Variants in RNF150 observed in about 807,000 individuals in gnomAD.
RNF150 encodes ring finger protein 150.
In RNF150, 24 loss-of-function variants were observed where a neutral mutation model predicts 39.3. The observed-to-expected ratio is 0.61, with a 90% CI of 0.44 to 0.86. The LOEUF (loss-of-function observed/expected upper bound fraction) is 0.86, where lower values mean the gene tolerates loss of function less well. Ranked by LOEUF, RNF150 falls within the 40% of genes least tolerant of loss-of-function variation. RNF150 has a pLI of 0.00. For missense variants in RNF150, 502 were observed against 587.8 expected, an observed-to-expected ratio of 0.85 and a Z score of 1.51; for synonymous variants, 255 against 227.3, an observed-to-expected ratio of 1.12 and a Z score of -1.10.
chr4:140,998,873 C>T (rs1034771483), intron 1 of RNF150, among the ~76,000 whole-genome samples: 1 of 152,060 alleles, frequency 6.6e-6, no homozygotes, highest in African/African-American at 2.4e-5. Flanking sequence ...TATGTCACTA[C>T]CAAGAGTCAA....
intron 4 of RNF150, among the ~76,000 whole-genome samples, chr4:140,926,923 G>A (rs10009916): frequency 0.55 from 84,141 of 152,002 alleles, 23,777 homozygotes; most frequent in East Asian, 0.89. Flanking sequence ...TTAAGTCTGA[G>A]GACTTCCTCA....
At chr4:141,045,535 A>T (rs1736542374) in intron 1 of RNF150, among the ~76,000 whole-genome samples, 1 of 151,496 alleles carries the variant, frequency 6.6e-6, no homozygotes, top group African/African-American at 2.4e-5. Flanking sequence ...TTTTATTTTT[A>T]TTTTTTATTT....
intron 1 of RNF150, among the ~76,000 whole-genome samples, chr4:141,005,303 T>C (rs1734822800): frequency 6.6e-6 from 1 of 152,122 alleles, no homozygotes; most frequent in East Asian, 1.9e-4. Flanking sequence ...GAGATGTAAA[T>C]TTGAAGCTAT....
chr4:140,949,354 C>T lies in RNF150; in HGVS notation c.754G>A (p.Ala252Thr), dbSNP rs758921403. The T allele has an allele frequency of 1.2e-6, 2 of 1,613,124 alleles. No individual in the cohort carries two copies. Among genetic ancestry groups the T allele is most frequent in the East Asian group, 2.2e-5 (1 of 44,874 alleles). The stretch of plus-strand genomic sequence containing the variant: ...TGGAGTTTGCTGATGGCTTTCTTTG[C>T]TGCATCCCCCAGTCGGCGCTGAAAA... ...DRNQRRLGDAAKKAISKLQIR... is the reference protein window; with the variant it reads ...DRNQRRLGDATKKAISKLQIR... The change falls in exon 3 of 7, where the codon GCA becomes ACA. Residue 252 changes from alanine to threonine, a missense_variant. By Grantham distance (58) the Ala-to-Thr change is moderately conservative. Coordinates refer to ENST00000515673, the MANE Select transcript of RNF150 (RefSeq NM_020724.2).
chr4:140,906,862 C>A (rs184236846), intron 6 of RNF150, among the ~76,000 whole-genome samples: 2 of 152,218 alleles, frequency 1.3e-5, no homozygotes, highest in Non-Finnish European at 2.9e-5. Context: ...TAACGATCTG[C>A]AGGCAGTGCT....
chr4:140,922,957 A>G (rs1731221460), intron 5 of RNF150, among the ~76,000 whole-genome samples: 1 of 150,980 alleles, frequency 6.6e-6, no homozygotes, highest in African/African-American at 2.5e-5. Context: ...TACACCTTAT[A>G]CAAAAATTAA....
At chr4:141,051,411 C>T (rs1283289262) in intron 1 of RNF150, among the ~76,000 whole-genome samples, 1 of 152,154 alleles carries the variant, frequency 6.6e-6, no homozygotes, top group Non-Finnish European at 1.5e-5. Context: ...TCACATTGTA[C>T]AGCTGCAAAA....
At chr4:141,152,106 T>A (rs534453682) in intron 1 of RNF150, among the ~76,000 whole-genome samples, 1 of 152,306 alleles carries the variant, frequency 6.6e-6, no homozygotes, top group East Asian at 1.9e-4. Context: ...TCTCAAGCAA[T>A]CTGGGAAATT....
At chr4:140,875,537 G>A (rs1729122687) in intron 6 of RNF150, among the ~76,000 whole-genome samples, 1 of 151,998 alleles carries the variant, frequency 6.6e-6, no homozygotes, top group Non-Finnish European at 1.5e-5. Flanking sequence ...GGGTGGGGCT[G>A]GGGGATTAGG....
At chr4:141,144,031 G>A (rs193097351) in intron 1 of RNF150, among the ~76,000 whole-genome samples, 1 of 152,106 alleles carries the variant, frequency 6.6e-6, no homozygotes, top group African/African-American at 2.4e-5. Flanking sequence ...CCACTGAAAT[G>A]GTATTTATTG....
intron 1 of RNF150, among the ~76,000 whole-genome samples, chr4:141,188,237 C>T (rs1578787959): frequency 6.6e-6 from 1 of 152,286 alleles, no homozygotes; most frequent in East Asian, 1.9e-4. Flanking sequence ...GATGGGCTTC[C>T]CTTTGTGGGT....
At chr4:141,039,329 AAG>A (rs1736268815) in intron 1 of RNF150, among the ~76,000 whole-genome samples, 2 of 151,928 alleles carry the variant, frequency 1.3e-5, no homozygotes, top group Middle Eastern at 6.8e-3. Context: ...GAAGGAAACT[AAG>A]AGGAGAAGGT....
chr4:141,033,037 A>G (rs1736010482), intron 1 of RNF150, among the ~76,000 whole-genome samples: 1 of 152,154 alleles, frequency 6.6e-6, no homozygotes, highest in Non-Finnish European at 1.5e-5. Context: ...TCAAAATAAG[A>G]CAACAATGAA....
chr4:140,921,429 ATC>A (rs1224897720), intron 5 of RNF150, among the ~76,000 whole-genome samples: 1 of 152,164 alleles, frequency 6.6e-6, no homozygotes, highest in African/African-American at 2.4e-5. Flanking sequence ...AAGAAGTTGA[ATC>A]TCTGAATAGA....
At chr4:140,888,590 G>A (rs575443957) in intron 6 of RNF150, among the ~76,000 whole-genome samples, 1 of 152,188 alleles carries the variant, frequency 6.6e-6, no homozygotes, top group Non-Finnish European at 1.5e-5. Context: ...TACAAATGAG[G>A]TAAGCTGCTC....
At chr4:141,173,933 T>C (rs1257179478) in intron 1 of RNF150, among the ~76,000 whole-genome samples, 4 of 152,236 alleles carry the variant, frequency 2.6e-5, no homozygotes, top group Non-Finnish European at 5.9e-5. Context: ...TGTATTTTCC[T>C]AGACATTTTC....
intron 6 of RNF150, among the ~76,000 whole-genome samples, chr4:140,878,291 C>T (rs982556210): frequency 2.0e-5 from 3 of 148,540 alleles, no homozygotes; most frequent in Non-Finnish European, 4.4e-5. Context: ...GTGCCTCAGC[C>T]TCCTGAGTAG....
chr4:141,195,538 G>A (rs1728188321), intron 1 of RNF150, among the ~76,000 whole-genome samples: 1 of 152,108 alleles, frequency 6.6e-6, no homozygotes, highest in Non-Finnish European at 1.5e-5. Context: ...GTGGAGGTGG[G>A]TAGAAGGTTG....
chr4:141,177,073 A>AC lies in RNF150; in HGVS notation c.-6+35720_-6+35721insG, dbSNP rs1296335937. Among the ~76,000 whole-genome samples, 30 of 147,746 alleles carry AC rather than the reference A, an allele frequency of 2.0e-4. No individual in the cohort carries two copies. The Middle Eastern group carries it at 0.014, about 68-fold the overall frequency. On this transcript the variant is annotated intron_variant, in intron 1 of 7. Transcript: ENST00000420921. ...TCCTAGGAAAAAAAAAAAAAAAAAA[A>AC]ACAAAGAAAAAAGACGGGTGTCGTG...
Sources: allele counts gnomAD v4.1 joint callset (sites outside exome capture counted in the v4.1 genomes callset), GRCh38; gene constraint gnomAD v4.1.1; transcripts MANE v1.5; gene names NCBI Gene and HGNC (gene_info 2026-07-23, HGNC 2026-07-21).